AGO3: variants seen among roughly 807,000 people sequenced by gnomAD.
The protein encoded by AGO3 is argonaute RISC catalytic component 3.
Under a neutral mutation model 105.5 loss-of-function variants are expected in AGO3, and 16 were observed. That is an observed-to-expected ratio of 0.15 (90% CI 0.10 to 0.23). The LOEUF is 0.23. AGO3 is among the 10% of genes least tolerant of loss of function. The pLI is 1.00. For synonymous variants in AGO3, 340 were observed against 367.3 expected (o/e 0.93, Z 0.85); for missense variants, 534 against 1,088.0 (o/e 0.49, Z 7.16).
intron 5 of AGO3, among the ~76,000 whole-genome samples, chr1:35,991,079 G>A (rs746672537): frequency 2.6e-5 from 4 of 152,132 alleles, no homozygotes; most frequent in African/African-American, 4.8e-5. Context: ...CGAGGTGGGC[G>A]GATTGCCTGA....
intron 9 of AGO3, among the ~76,000 whole-genome samples, chr1:36,012,764 T>A (rs1324981720): frequency 6.6e-6 from 1 of 152,126 alleles, no homozygotes; most frequent in Non-Finnish European, 1.5e-5. Context: ...GGTTCAATCA[T>A]ACAAAATTAA....
At chr1:36,019,345 G>C (rs1181115932) in intron 11 of AGO3, among the ~76,000 whole-genome samples, 2 of 152,142 alleles carry the variant, frequency 1.3e-5, no homozygotes. Context: ...GGATCTGTTT[G>C]TCATCAATCT....
At chr1:36,039,001 CTTAT>C (rs1642132006) in intron 14 of AGO3, among the ~76,000 whole-genome samples, 1 of 152,044 alleles carries the variant, frequency 6.6e-6, no homozygotes, top group South Asian at 2.1e-4. Context: ...CTTGTTTTTT[CTTAT>C]TTCTTTTCTC....
chr1:35,931,515 C>A (rs1646046905), intron 1 of AGO3, 70 bp downstream of exon 1: 2 of 1,319,388 alleles, frequency 1.5e-6, no homozygotes, highest in African/African-American at 3.1e-5. Context: ...CCCTGCTCCT[C>A]CCGCCCGGCC....
chr1:35,966,979 G>T lies in AGO3; in HGVS notation c.216G>T (p.Gln72His), dbSNP rs934706531. 1 of 1,612,862 alleles carries T rather than the reference G, an allele frequency of 6.2e-7. No homozygotes were observed. Among genetic ancestry groups the T allele is most frequent in the African/African-American group, 1.3e-5 (1 of 74,844 alleles). The change falls in exon 3 of 19, where the codon CAG (glutamine) becomes CAT (histidine). Residue 72 changes from glutamine (Q) to histidine (H), a missense_variant. By Grantham distance (24) the Gln-to-His change is conservative. This residue lies in a region of AGO3 where 161 missense variants were observed against 234.0 expected (regional missense o/e 0.69). Coordinates refer to ENST00000373191, the MANE Select transcript of AGO3 (RefSeq NM_024852.4). ...VNREVVDSMV[Q>H]HFKVTIFGDR... ...GGGAGGTGGTTGACTCAATGGTTCA[G>T]CATTTTAAAGTAACTATATTTGGAG... is the stretch of plus-strand genomic sequence containing the variant.
At chr1:35,950,433 C>T (rs1557647069) in intron 2 of AGO3, among the ~76,000 whole-genome samples, 2 of 152,146 alleles carry the variant, frequency 1.3e-5, no homozygotes, top group African/African-American at 4.8e-5. Context: ...TCTTCTTAGA[C>T]ACAATATCCA....
intron 5 of AGO3, among the ~76,000 whole-genome samples, chr1:35,989,075 A>C (rs1647370970): frequency 6.6e-6 from 1 of 152,234 alleles, no homozygotes; most frequent in Admixed American, 6.5e-5. Context: ...TGAGCACTAT[A>C]ATAAGTACTG....
intron 2 of AGO3, among the ~76,000 whole-genome samples, chr1:35,957,689 G>A (rs1211887786): frequency 6.6e-6 from 1 of 152,186 alleles, no homozygotes; most frequent in Non-Finnish European, 1.5e-5. Context: ...TTGTGCCACT[G>A]CACTCCAGCC....
intron 2 of AGO3, among the ~76,000 whole-genome samples, chr1:35,953,006 C>G (rs914168971): frequency 6.6e-6 from 1 of 152,160 alleles, no homozygotes; most frequent in Non-Finnish European, 1.5e-5. Context: ...AATAATGCTG[C>G]TATAAACATT....
chr1:35,957,557 C>T (rs954650438), intron 2 of AGO3, among the ~76,000 whole-genome samples: 4 of 151,798 alleles, frequency 2.6e-5, no homozygotes, highest in African/African-American at 9.7e-5. Context: ...GAAACCCCGT[C>T]TCTACTAAAA....
chr1:36,025,531 G>T (rs1641464429), intron 11 of AGO3, among the ~76,000 whole-genome samples: 1 of 151,704 alleles, frequency 6.6e-6, no homozygotes, highest in African/African-American at 2.4e-5. Flanking sequence ...TGTGGCTCTT[G>T]TTAGGCTAAG....
intron 9 of AGO3, chr1:36,013,299 C>T (rs1229197839): frequency 5.4e-6 from 1 of 186,220 alleles, no homozygotes; most frequent in Non-Finnish European, 1.1e-5. Flanking sequence ...TAGTTTCAAG[C>T]TTCTGGGCTT....
intron 9 of AGO3, among the ~76,000 whole-genome samples, chr1:36,012,252 T>C (rs1290402544): frequency 6.6e-6 from 1 of 150,576 alleles, no homozygotes; most frequent in Non-Finnish European, 1.5e-5. Context: ...GAGGATCGCT[T>C]GGGCCCCAGG....
chr1:36,040,916 TA>T (rs1414461264), intron 16 of AGO3, among the ~76,000 whole-genome samples: 1 of 151,400 alleles, frequency 6.6e-6, no homozygotes, highest in Non-Finnish European at 1.5e-5. Context: ...CTACTAAAAA[TA>T]CAAAAAATAG....
intron 15 of AGO3, 130 bp downstream of exon 15, chr1:36,040,114 CT>C (rs1290336493): frequency 8.2e-7 from 1 of 1,223,566 alleles, no homozygotes; most frequent in African/African-American, 1.5e-5. Flanking sequence ...GTTAGATTGT[CT>C]TTTTGAAAAT....
Position 35,981,274 on chromosome 1 carries a change from T to G in AGO3, c.658+7763T>G, listed in dbSNP as rs576529316. On this transcript the variant is annotated intron_variant, in intron 5 of 18. Coordinates refer to ENST00000373191, the MANE Select transcript of AGO3 (RefSeq NM_024852.4). ...CTTACCACTTTTTTGTTGCTTATAT[T>G]GGCATGAGATGAGTTTCCCAAACCA... 7.0e-4 allele frequency among the ~76,000 whole-genome samples: 106 copies of G among 152,330 alleles called. 2 individuals carry two copies. Among genetic ancestry groups the G allele is most frequent in the Non-Finnish European group, 1.9e-4 (13 of 68,028 alleles).
intron 5 of AGO3, 47 bp from the exon 6 acceptor site, chr1:36,004,293 AT>A: frequency 6.4e-6 from 10 of 1,563,352 alleles, no homozygotes; most frequent in Admixed American, 1.9e-5. Context: ...AAGTTTCTGA[AT>A]TTTTTAGGGA....
At chr1:36,010,883 G>A (rs553681915) in intron 9 of AGO3, among the ~76,000 whole-genome samples, 11 of 140,486 alleles carry the variant, frequency 7.8e-5, no homozygotes, top group Non-Finnish European at 1.5e-4. Flanking sequence ...TCCAGCCTGG[G>A]CAACAAGAGC....
chr1:36,015,541 C>G (rs1316942583), intron 11 of AGO3, among the ~76,000 whole-genome samples: 2 of 152,202 alleles, frequency 1.3e-5, no homozygotes, highest in Non-Finnish European at 2.9e-5. Flanking sequence ...TTTCTGGTGA[C>G]CAGACCCCAT....
Sources: allele counts gnomAD v4.1 joint callset (sites outside exome capture counted in the v4.1 genomes callset), GRCh38; gene constraint gnomAD v4.1.1; regional missense constraint gnomAD v4.1.1; transcripts MANE v1.5; gene names NCBI Gene and HGNC (gene_info 2026-07-23, HGNC 2026-07-21).